The following NDST4 variants were observed in gnomAD, a reference collection of about 807,000 sequenced individuals.
NDST4 encodes N-deacetylase and N-sulfotransferase 4, also known as N-heparan sulfate sulfotransferase 4.
In NDST4, 63 loss-of-function variants were observed where a neutral mutation model predicts 100.8. The observed-to-expected ratio is 0.62, with a 90% confidence interval of 0.51 to 0.77. The LOEUF (loss-of-function observed/expected upper bound fraction) is 0.77. Ranked by LOEUF, NDST4 falls within the 30% of genes least tolerant of loss-of-function variation. The pLI, the probability that NDST4 is intolerant of heterozygous loss-of-function variation, is 0.00. For synonymous variants in NDST4, 377 were observed against 361.8 expected (o/e 1.04, Z -0.48); for missense variants, 943 against 1,018.4 (o/e 0.93, Z 1.01).
chr4:115,004,611 T>A (rs1393532863), intron 2 of NDST4, among the ~76,000 whole-genome samples: 1 of 152,194 alleles, frequency 6.6e-6, no homozygotes, highest in Admixed American at 6.6e-5. Flanking sequence ...TATATCTTCA[T>A]CTTGCTGCTC....
At chr4:114,975,665 G>A (rs1468638562) in intron 3 of NDST4, among the ~76,000 whole-genome samples, 2 of 152,048 alleles carry the variant, frequency 1.3e-5, no homozygotes, top group African/African-American at 2.4e-5. Context: ...AAAAACTGAG[G>A]CAGTTATCCA....
intron 2 of NDST4, among the ~76,000 whole-genome samples, chr4:115,028,124 T>C (rs1480642395): frequency 6.6e-6 from 1 of 152,028 alleles, no homozygotes; most frequent in Non-Finnish European, 1.5e-5. Flanking sequence ...ATGAATGTAC[T>C]TGTAGTAGAG....
At chr4:115,001,489 G>A (rs1045528768) in intron 2 of NDST4, among the ~76,000 whole-genome samples, 5 of 151,364 alleles carry the variant, frequency 3.3e-5, no homozygotes, top group East Asian at 3.9e-4. Context: ...CTTTTTATAC[G>A]AATATGTAAG....
intron 1 of NDST4, among the ~76,000 whole-genome samples, chr4:115,092,293 A>T (rs1326389775): frequency 6.6e-6 from 1 of 152,120 alleles, no homozygotes; most frequent in Non-Finnish European, 1.5e-5. Flanking sequence ...AGTCAGCCAG[A>T]GGTATTTCAG....
intron 2 of NDST4, among the ~76,000 whole-genome samples, chr4:114,979,557 G>C (rs1160531542): frequency 6.6e-6 from 1 of 151,568 alleles, no homozygotes; most frequent in African/African-American, 2.4e-5. Context: ...ATGGTAATAT[G>C]ATAAACATAG....
chr4:115,025,298 A>G (rs770860776), intron 2 of NDST4, among the ~76,000 whole-genome samples: 3 of 152,186 alleles, frequency 2.0e-5, no homozygotes, highest in Non-Finnish European at 4.4e-5. Flanking sequence ...ATTATTTAGT[A>G]AAGAGATATT....
At chr4:115,093,601 T>C (rs570764998) in intron 1 of NDST4, among the ~76,000 whole-genome samples, 1 of 152,142 alleles carries the variant, frequency 6.6e-6, no homozygotes, top group East Asian at 1.9e-4. Context: ...TTTACAAAAA[T>C]AAATCATTCC....
At chr4:114,849,895 G>C (rs1359112872) in intron 8 of NDST4, among the ~76,000 whole-genome samples, 2 of 152,170 alleles carry the variant, frequency 1.3e-5, no homozygotes, top group East Asian at 3.9e-4. Context: ...TGAGGGACGA[G>C]GGGCATCCTC....
intron 6 of NDST4, among the ~76,000 whole-genome samples, chr4:114,916,866 C>T (rs1195392713): frequency 6.6e-6 from 1 of 151,320 alleles, no homozygotes; most frequent in Non-Finnish European, 1.5e-5. Flanking sequence ...TTTTCTCCCT[C>T]AGACCATGAG....
chr4:115,037,443 C>A (rs955039494), intron 2 of NDST4, among the ~76,000 whole-genome samples: 14 of 152,016 alleles, frequency 9.2e-5, no homozygotes, highest in Admixed American at 2.0e-4. Context: ...TCAAAGTGAG[C>A]TAAGAAAGAT....
chr4:114,857,885 G>T (rs183410006), intron 7 of NDST4, among the ~76,000 whole-genome samples: 2 of 152,024 alleles, frequency 1.3e-5, no homozygotes, highest in African/African-American at 4.8e-5. Context: ...CTATGATAGT[G>T]TCCAAAGTGT....
chr4:115,092,095 T>C (rs1160222768), intron 1 of NDST4, among the ~76,000 whole-genome samples: 5 of 152,138 alleles, frequency 3.3e-5, no homozygotes, highest in African/African-American at 1.2e-4. Context: ...ATCAGAAAAG[T>C]CCAGTTTGAA....
At chr4:115,080,763 T>C (rs994629897) in intron 1 of NDST4, among the ~76,000 whole-genome samples, 1 of 152,040 alleles carries the variant, frequency 6.6e-6, no homozygotes, top group Non-Finnish European at 1.5e-5. Flanking sequence ...ATTAATCTTA[T>C]ATCAATTCTT....
Position 114,970,528 on chromosome 4 carries a change from A to G in NDST4, c.1123T>C (p.Trp375Arg). 6.2e-7 allele frequency: 1 copy of G among 1,614,080 alleles called. No individual in the cohort carries two copies. The highest frequency in any genetic ancestry group is 8.5e-7 in the Non-Finnish European group (1 of 1,179,922). Reference sequence around the variant, plus strand: ...TGGCTCCACATGTGAGGAAACCACCAGAACTCATCCACAGACCGAAGTAAA... The same window carrying G: ...TGGCTCCACATGTGAGGAAACCACCGGAACTCATCCACAGACCGAAGTAAA... ...DLLLRSVDEF[W>R]WFPHMWSHMQ... Residue 375 changes from tryptophan to arginine, a missense_variant, in exon 4 of 14, where the codon TGG (tryptophan) becomes CGG (arginine). By Grantham distance (101) the Trp-to-Arg change is moderately radical. This residue lies in a region of NDST4 where 526 missense variants were observed against 634.1 expected (regional missense o/e 0.83). Coordinates refer to ENST00000264363, the MANE Select transcript of NDST4 (RefSeq NM_022569.3).
At chr4:115,101,996 T>C (rs999585470) in intron 1 of NDST4, among the ~76,000 whole-genome samples, 1 of 152,124 alleles carries the variant, frequency 6.6e-6, no homozygotes, top group Non-Finnish European at 1.5e-5. Flanking sequence ...AACACAAATC[T>C]GTGACAAGTC....
intron 1 of NDST4, among the ~76,000 whole-genome samples, chr4:115,084,858 G>A (rs2126292650): frequency 8.9e-6 from 1 of 112,740 alleles, no homozygotes; most frequent in East Asian, 2.6e-4. Context: ...GTGTGGAAGG[G>A]AAATGTGGGG....
chr4:114,951,182 C>G lies in NDST4; in HGVS notation c.1222-13679G>C, dbSNP rs147022739. On this transcript the variant is annotated intron_variant, in intron 4 of 13. Transcript: ENST00000264363. ...TTGGAAAACAATAATTTCAAAGATT[C>G]ACGTGTTCACATGCACATGAATGAA... is the stretch of plus-strand genomic sequence containing the variant. Among the ~76,000 whole-genome samples the G allele has an allele frequency of 2.3e-3, 346 of 152,176 alleles. 1 individual carries two copies. Among genetic ancestry groups the G allele is most frequent in the African/African-American group, 8.0e-3 (333 of 41,548 alleles).
At chr4:114,896,995 C>A (rs2126208429) in intron 6 of NDST4, among the ~76,000 whole-genome samples, 1 of 152,144 alleles carries the variant, frequency 6.6e-6, no homozygotes, top group South Asian at 2.1e-4. Context: ...TCTTCTGACC[C>A]CACATTTGCA....
intron 1 of NDST4, among the ~76,000 whole-genome samples, chr4:115,102,476 T>C (rs764140237): frequency 2.6e-5 from 4 of 152,134 alleles, no homozygotes; most frequent in Non-Finnish European, 1.5e-5. Context: ...TATTTTTTAA[T>C]GTAAATTTAA....
Sources: gnomAD v4.1 joint callset for allele counts (sites outside exome capture counted in the v4.1 genomes callset) on GRCh38, gnomAD v4.1.1 for gene constraint, gnomAD v4.1.1 regional missense constraint, MANE v1.5 for transcripts, NCBI Gene and HGNC (gene_info 2026-07-23, HGNC 2026-07-21) for gene names.